INPP4B: variants seen among roughly 807,000 people sequenced by gnomAD.
INPP4B encodes the protein inositol polyphosphate 4-phosphatase type II.
In INPP4B, 55 loss-of-function variants were observed where a neutral mutation model predicts 122.5. That is an observed-to-expected ratio of 0.45 (90% confidence interval 0.36 to 0.56). INPP4B has a LOEUF of 0.56. Ranked by LOEUF, INPP4B falls within the 20% of genes least tolerant of loss-of-function variation. INPP4B has a pLI of 0.00. For synonymous variants in INPP4B, 403 were observed against 388.7 expected, an observed-to-expected ratio of 1.04 and a Z score of -0.43; for missense variants, 1,000 against 1,097.7, an observed-to-expected ratio of 0.91 and a Z score of 1.26.
At chr4:142,575,885 A>G (rs535414168) in intron 2 of INPP4B, among the ~76,000 whole-genome samples, 6 of 152,148 alleles carry the variant, frequency 3.9e-5, no homozygotes, top group African/African-American at 1.4e-4. Flanking sequence ...TCACCTACCT[A>G]GTTACTCAAG....
intron 1 of INPP4B, among the ~76,000 whole-genome samples, chr4:142,801,925 A>G (rs1778052594): frequency 6.6e-6 from 1 of 152,166 alleles, no homozygotes; most frequent in African/African-American, 2.4e-5. Context: ...TTAAATAAAT[A>G]CATGGATCTG....
intron 7 of INPP4B, among the ~76,000 whole-genome samples, chr4:142,320,555 T>C (rs989460523): frequency 6.6e-6 from 1 of 152,224 alleles, no homozygotes; most frequent in Admixed American, 6.5e-5. Flanking sequence ...GTTACATGGA[T>C]AATTTCTTTG....
chr4:142,432,082 C>T (rs770040959), intron 3 of INPP4B, among the ~76,000 whole-genome samples: 4 of 151,990 alleles, frequency 2.6e-5, no homozygotes, highest in African/African-American at 4.8e-5. Context: ...TCTCCAAGAA[C>T]TTAATACCCT....
At chr4:142,800,433 T>C (rs940652297) in intron 1 of INPP4B, among the ~76,000 whole-genome samples, 1 of 152,280 alleles carries the variant, frequency 6.6e-6, no homozygotes, top group Admixed American at 6.5e-5. Context: ...ATGTTTTCTC[T>C]CCTATCATAA....
chr4:142,069,710 A>G (rs557552514), intron 25 of INPP4B, among the ~76,000 whole-genome samples: 336 of 152,354 alleles, frequency 2.2e-3, no homozygotes, highest in Non-Finnish European at 4.1e-3. Context: ...AAACACCTCT[A>G]CACAAATAAA....
In INPP4B at chr4:142,345,533, A is replaced by G. The variant is rs1175877219; in HGVS notation, c.373-30771T>C. ...GGTGTAGTTATATCACTCAATGTGC[A>G]TGGTTTTTTGAAGTGGGAATAGTAC... On this transcript the variant is annotated intron_variant, in intron 7 of 25. Coordinates refer to ENST00000262992, the MANE Select transcript of INPP4B (RefSeq NM_001101669.3). Among the ~76,000 whole-genome samples, 4 of 152,026 alleles carry G rather than the reference A, an allele frequency of 2.6e-5. No individual in the cohort carries two copies. In the East Asian group the frequency reaches 7.7e-4, roughly 29 times the overall value.
chr4:142,497,919 C>T (rs551618897), intron 2 of INPP4B, among the ~76,000 whole-genome samples: 32 of 152,046 alleles, frequency 2.1e-4, no homozygotes, highest in Admixed American at 3.3e-4. Flanking sequence ...TAGATGACTA[C>T]CTGGAATTGT....
At chr4:142,135,509 G>A (rs1002883227) in intron 18 of INPP4B, among the ~76,000 whole-genome samples, 2 of 152,192 alleles carry the variant, frequency 1.3e-5, no homozygotes, top group East Asian at 1.9e-4. Context: ...GGAAATGACT[G>A]GCTGGGGCTG....
At chr4:142,684,494 T>C (rs1200985640) in intron 2 of INPP4B, among the ~76,000 whole-genome samples, 1 of 151,696 alleles carries the variant, frequency 6.6e-6, no homozygotes, top group African/African-American at 2.4e-5. Context: ...AAATTTCTCC[T>C]CTCCCCCATA....
chr4:142,383,507 T>A lies in INPP4B; in HGVS notation c.372+19431A>T, dbSNP rs117278721. 1.8e-4 allele frequency among the ~76,000 whole-genome samples: 28 copies of A among 152,232 alleles called. No individual in the cohort carries two copies. In the East Asian group the frequency reaches 4.8e-3, roughly 26 times the overall value. On this transcript the variant is annotated intron_variant, in intron 7 of 25. Transcript: ENST00000262992. ...CTAACATCTTCTGAGCAGACACCCA[T>A]CAAAACAGAGTTATGTGGACATGTC...
At chr4:142,128,045 G>A (rs1329175603) in intron 18 of INPP4B, among the ~76,000 whole-genome samples, 1 of 151,736 alleles carries the variant, frequency 6.6e-6, no homozygotes, top group Non-Finnish European at 1.5e-5. Context: ...AATATGTTTT[G>A]GGGAAAATTA....
chr4:142,701,705 T>C (rs17016664), intron 2 of INPP4B, among the ~76,000 whole-genome samples: 3,129 of 152,126 alleles, frequency 0.021, 107 homozygotes, highest in African/African-American at 0.07. Context: ...AGTAAGGAGT[T>C]AGTACCTCTA....
At chr4:142,712,940 A>G (rs767057340) in intron 2 of INPP4B, among the ~76,000 whole-genome samples, 1 of 152,198 alleles carries the variant, frequency 6.6e-6, no homozygotes, top group African/African-American at 2.4e-5. Context: ...CTCTCCATAT[A>G]TCAGGTGGAA....
At chr4:142,280,565 T>C (rs1294934817) in intron 9 of INPP4B, among the ~76,000 whole-genome samples, 1 of 151,940 alleles carries the variant, frequency 6.6e-6, no homozygotes, top group Non-Finnish European at 1.5e-5. Flanking sequence ...TTTGTGGTAA[T>C]GGAAAAGTTC....
At chr4:142,762,198 C>G (rs1771443532) in intron 1 of INPP4B, among the ~76,000 whole-genome samples, 1 of 152,000 alleles carries the variant, frequency 6.6e-6, no homozygotes, top group Admixed American at 6.6e-5. Context: ...TCTGCAACTC[C>G]CTCAAATTCT....
At chr4:142,299,195 A>C (rs992080850) in intron 9 of INPP4B, among the ~76,000 whole-genome samples, 1 of 122,958 alleles carries the variant, frequency 8.1e-6, no homozygotes, top group Non-Finnish European at 1.6e-5. Flanking sequence ...TCTTGCTCTT[A>C]TCCCCTAGGC....
intron 15 of INPP4B, among the ~76,000 whole-genome samples, chr4:142,181,223 T>C (rs546736313): frequency 6.6e-6 from 1 of 152,300 alleles, no homozygotes; most frequent in South Asian, 2.1e-4. Flanking sequence ...TGCATTGAAG[T>C]TCCTTCCATT....
chr4:142,523,217 A>C (rs1210489225), intron 2 of INPP4B, among the ~76,000 whole-genome samples: 1 of 152,130 alleles, frequency 6.6e-6, no homozygotes, highest in Non-Finnish European at 1.5e-5. Flanking sequence ...GACCTACTAA[A>C]TCAGAAACTC....
intron 9 of INPP4B, among the ~76,000 whole-genome samples, chr4:142,284,910 C>G (rs1752812358): frequency 6.6e-6 from 1 of 152,024 alleles, no homozygotes; most frequent in South Asian, 2.1e-4. Flanking sequence ...ATCAGTTAAT[C>G]AATTTATATT....
Sources: gnomAD v4.1 joint callset for allele counts (sites outside exome capture counted in the v4.1 genomes callset) on GRCh38, gnomAD v4.1.1 for gene constraint, MANE v1.5 for transcripts, NCBI Gene and HGNC (gene_info 2026-07-23, HGNC 2026-07-21) for gene names.